The following PFKFB3 variants were observed in gnomAD, a reference collection of about 807,000 sequenced individuals.
PFKFB3 encodes 6-phosphofructo-2-kinase/fructose-2,6-bisphosphatase 3.
PFKFB3 carries 33 observed loss-of-function variants against 68.0 expected under a neutral mutation model. The ratio of observed to expected loss-of-function variants is 0.49; its 90% confidence interval spans 0.37 to 0.65. The LOEUF (loss-of-function observed/expected upper bound fraction) is 0.65, where lower values mean the gene tolerates loss of function less well. Ranked by LOEUF, PFKFB3 falls within the 30% of genes least tolerant of loss-of-function variation. The probability of loss-of-function intolerance (pLI) is 0.00; values close to 1 mark genes in which losing one functional copy is unlikely to be tolerated. For missense variants in PFKFB3, 586 were observed against 712.2 expected (o/e 0.82, Z 2.02); for synonymous variants, 315 against 288.2 (o/e 1.09, Z -0.94).
Position 6,216,712 on chromosome 10 carries a change from G to A in PFKFB3, c.373G>A (p.Asp125Asn). 4 of 1,611,238 alleles carry A rather than the reference G, an allele frequency of 2.5e-6. No individual in the cohort carries two copies. Among genetic ancestry groups the A allele is most frequent in the Non-Finnish European group, 3.4e-6 (4 of 1,177,454 alleles). Residue 125 changes from aspartate to asparagine, a missense_variant, in exon 5 of 15, where the codon GAT becomes AAT. Coordinates refer to ENST00000379775, the MANE Select transcript of PFKFB3 (RefSeq NM_004566.4). ...CCTTTGCTCTCCATATCAGGTTTTC[G>A]ATGCCACCAATACTACTAGAGAGAG... is the stretch of plus-strand genomic sequence containing the variant. The part of the protein sequence containing the change: ...AKEGGQIAVF[D>N]ATNTTRERRH...
the PFKFB3 span, among the ~76,000 whole-genome samples, chr10:6,292,173 C>T: frequency 4.2e-4 from 63 of 149,564 alleles, no homozygotes; most frequent in African/African-American, 1.0e-3. Context: ...AGGCTGGTCT[C>T]GAACTCCTGA....
chr10:6,158,224 G>T (rs1337831869), intron 1 of PFKFB3, among the ~76,000 whole-genome samples: 1 of 152,198 alleles, frequency 6.6e-6, no homozygotes, highest in East Asian at 1.9e-4. Flanking sequence ...GGGAGGCAGA[G>T]CTTGCAGTGA....
At chr10:6,174,118 GCTCCTTA>G (rs200097735) in intron 1 of PFKFB3, among the ~76,000 whole-genome samples, 4,402 of 152,162 alleles carry the variant, frequency 0.029, 204 homozygotes, top group African/African-American at 0.1. Flanking sequence ...CTTACACGGT[GCTCCTTA>G]CTCCAAAGCC....
At chr10:6,259,320 CCATCCATCCATCTA>C (rs1239699813), downstream of PFKFB3, among the ~76,000 whole-genome samples, 1 of 150,674 alleles carries the variant, frequency 6.6e-6, no homozygotes, top group African/African-American at 2.5e-5. Context: ...ACCCAACCAT[CCATCCATCCATCTA>C]CATCCATCCA....
At chr10:6,319,330 A>G in the PFKFB3 span, among the ~76,000 whole-genome samples, 1 of 152,270 alleles carries the variant, frequency 6.6e-6, no homozygotes, top group Non-Finnish European at 1.5e-5. Context: ...GTACTCAGCC[A>G]TGAAAAAGGA....
chr10:6,272,796 A>G, the PFKFB3 span, among the ~76,000 whole-genome samples: 1 of 152,158 alleles, frequency 6.6e-6, no homozygotes, highest in South Asian at 2.1e-4. Flanking sequence ...GTGCATGCCA[A>G]GGGCTATGTG....
At chr10:6,212,645 CTCTTT>C (rs1343860149) in intron 1 of PFKFB3, among the ~76,000 whole-genome samples, 2 of 152,248 alleles carry the variant, frequency 1.3e-5, no homozygotes, top group Admixed American at 6.5e-5. Context: ...ATTTGATAAA[CTCTTT>C]TCTTCTAATT....
chr10:6,208,102 G>A (rs1249595300), intron 1 of PFKFB3, among the ~76,000 whole-genome samples: 1 of 151,974 alleles, frequency 6.6e-6, no homozygotes, highest in Non-Finnish European at 1.5e-5. Context: ...TTTGAGACAG[G>A]GTCTCACTGT....
At chr10:6,218,137 G>C (rs1844715469) in intron 6 of PFKFB3, among the ~76,000 whole-genome samples, 1 of 152,152 alleles carries the variant, frequency 6.6e-6, no homozygotes, top group African/African-American at 2.4e-5. Context: ...TCTTTGGCTG[G>C]GCACTCGTTG....
At chr10:6,175,284 C>A (rs928719356) in intron 1 of PFKFB3, among the ~76,000 whole-genome samples, 10 of 152,210 alleles carry the variant, frequency 6.6e-5, no homozygotes, top group Non-Finnish European at 4.4e-5. Flanking sequence ...CTTGCTCCGT[C>A]CCCTCTCTTC....
Position 6,234,284 on chromosome 10 carries a change from G to C in PFKFB3, c.*1342G>C, listed in dbSNP as rs1845907051. Reference sequence around the variant, plus strand: ...TCACTTTTCTTTCCTGCCTTCTGCTGTGAGCCCTGAGATCCTCCTCCCAGC... The same window carrying C: ...TCACTTTTCTTTCCTGCCTTCTGCTCTGAGCCCTGAGATCCTCCTCCCAGC... On this transcript the variant is annotated 3_prime_UTR_variant, in exon 15 of 15. Coordinates refer to ENST00000379775, the MANE Select transcript of PFKFB3 (RefSeq NM_004566.4). 1 of 152,354 alleles carries C rather than the reference G, an allele frequency of 6.6e-6. No homozygotes were observed. 9.4% of individuals were successfully genotyped at this position (152,354 alleles called of 1,614,324 possible).
chr10:6,268,097 G>T, the PFKFB3 span, among the ~76,000 whole-genome samples: 1 of 151,796 alleles, frequency 6.6e-6, no homozygotes, highest in Non-Finnish European at 1.5e-5. Context: ...GGATTTTCCT[G>T]TCTCCCCTCC....
the PFKFB3 span, among the ~76,000 whole-genome samples, chr10:6,274,333 G>T: frequency 1.3e-5 from 2 of 152,136 alleles, no homozygotes; most frequent in Non-Finnish European, 2.9e-5. Flanking sequence ...GTCCTCCAGG[G>T]TTGATCCTGA....
chr10:6,219,093 A>G (rs751491645), intron 6 of PFKFB3, among the ~76,000 whole-genome samples: 1 of 152,252 alleles, frequency 6.6e-6, no homozygotes, highest in Non-Finnish European at 1.5e-5. Flanking sequence ...GACTGGTCAC[A>G]CTGGGGCTGC....
At chr10:6,146,754 G>A (rs1200627494) in intron 1 of PFKFB3, among the ~76,000 whole-genome samples, 1 of 152,206 alleles carries the variant, frequency 6.6e-6, no homozygotes, top group Non-Finnish European at 1.5e-5. Context: ...TGAAGATTTT[G>A]CTTTATGACA....
chr10:6,321,863 C>T, the PFKFB3 span, among the ~76,000 whole-genome samples: 1 of 152,224 alleles, frequency 6.6e-6, no homozygotes, highest in Non-Finnish European at 1.5e-5. Context: ...TCATTACTGG[C>T]TGCTCCTTCT....
rs766884294 is a variant in PFKFB3, at chr10:6,233,370, G to C, written c.*428G>C. The C allele has an allele frequency of 3.1e-5, 5 of 161,316 alleles. No homozygotes were observed. The highest frequency in any genetic ancestry group is 6.8e-5 in the Non-Finnish European group (5 of 74,050). 10.0% of individuals were successfully genotyped at this position (161,316 alleles called of 1,614,324 possible). A position where few individuals can be genotyped will look rare whatever the true frequency, so the allele number is the denominator to read the frequency against. On this transcript the variant is annotated 3_prime_UTR_variant, in exon 15 of 15. Transcript: ENST00000379775. ...AGAATCCTAAAATTAAAGGAGGCAG[G>C]CTCCTAGTTGCTGAAAGTTAAGGAA...
At chr10:6,313,242 C>T in the PFKFB3 span, among the ~76,000 whole-genome samples, 20 of 152,152 alleles carry the variant, frequency 1.3e-4, no homozygotes, top group African/African-American at 4.6e-4. This position sits in a 1 kb window ranked among gnomAD's most constrained non-coding sequence, Gnocchi z 4.2. Flanking sequence ...CCATTTACTG[C>T]TAATTTTTGT....
the PFKFB3 span, among the ~76,000 whole-genome samples, chr10:6,267,824 G>A: frequency 4.0e-5 from 6 of 151,560 alleles, no homozygotes; most frequent in East Asian, 1.9e-4. Flanking sequence ...GCATGGTGGC[G>A]GGCGCCTGTA....
Sources: allele counts gnomAD v4.1 joint callset (sites outside exome capture counted in the v4.1 genomes callset), GRCh38; gene constraint gnomAD v4.1.1; non-coding constraint Gnocchi (gnomAD v3.1); transcripts MANE v1.5; gene names NCBI Gene and HGNC (gene_info 2026-07-23, HGNC 2026-07-21).